MAGI2: variants seen among roughly 807,000 people sequenced by gnomAD.
The protein encoded by MAGI2 is membrane-associated guanylate kinase, WW and PDZ domain-containing protein 2.
A neutral mutation model predicts 133.3 loss-of-function variants in MAGI2; 35 were observed. The ratio of observed to expected loss-of-function variants is 0.26; its 90% CI spans 0.20 to 0.35. MAGI2 has a LOEUF of 0.35. MAGI2 is among the 10% of genes least tolerant of loss of function. The probability of loss-of-function intolerance (pLI) is 1.00; values close to 1 mark genes in which losing one functional copy is unlikely to be tolerated. For synonymous variants in MAGI2, 729 were observed against 710.6 expected (o/e 1.03, Z -0.41); for missense variants, 1,636 against 1,863.4 (o/e 0.88, Z 2.25).
intron 1 of MAGI2, among the ~76,000 whole-genome samples, chr7:79,034,824 A>C (rs1810960936): frequency 6.6e-6 from 1 of 152,174 alleles, no homozygotes; most frequent in Non-Finnish European, 1.5e-5. Flanking sequence ...TTTCAAATAC[A>C]AAGGACAATA....
intron 3 of MAGI2, among the ~76,000 whole-genome samples, chr7:78,625,121 C>A (rs948652266): frequency 6.6e-6 from 1 of 151,868 alleles, no homozygotes; most frequent in Non-Finnish European, 1.5e-5. Context: ...GTGGTTGTGT[C>A]TTAGTTTTTA....
chr7:78,279,330 G>A (rs987230300), intron 9 of MAGI2, among the ~76,000 whole-genome samples: 37 of 152,160 alleles, frequency 2.4e-4, no homozygotes, highest in Non-Finnish European at 1.5e-4. Flanking sequence ...AAGTCACTCC[G>A]AGTGGATAAA....
intron 2 of MAGI2, among the ~76,000 whole-genome samples, chr7:78,866,880 G>A (rs376397304): frequency 6.6e-6 from 1 of 152,174 alleles, no homozygotes; most frequent in Non-Finnish European, 1.5e-5. Flanking sequence ...AGTGGGTGAA[G>A]GACATGAACA....
chr7:78,217,291 T>C (rs1031744545), intron 10 of MAGI2, among the ~76,000 whole-genome samples: 11 of 152,210 alleles, frequency 7.2e-5, no homozygotes, highest in Non-Finnish European at 1.3e-4. Flanking sequence ...TGCATGTTTC[T>C]GGGATAACTT....
intron 1 of MAGI2, among the ~76,000 whole-genome samples, chr7:79,207,447 A>G (rs576835036): frequency 2.4e-4 from 37 of 151,988 alleles, no homozygotes; most frequent in Non-Finnish European, 4.9e-4. Context: ...CAGAAGAAAT[A>G]AAACAATTCC....
At chr7:78,027,297 G>A (rs1371353373) in intron 21 of MAGI2, among the ~76,000 whole-genome samples, 2 of 152,138 alleles carry the variant, frequency 1.3e-5, no homozygotes, top group Admixed American at 6.5e-5. Flanking sequence ...GGACACAGTC[G>A]CTATGATTAG....
intron 10 of MAGI2, among the ~76,000 whole-genome samples, chr7:78,249,220 C>T (rs186380181): frequency 5.9e-5 from 9 of 151,982 alleles, no homozygotes; most frequent in Admixed American, 2.6e-4. Context: ...TAACAAGTGT[C>T]GGCGAGGATG....
At chr7:78,267,884 C>T (rs773629007) in intron 9 of MAGI2, among the ~76,000 whole-genome samples, 6 of 152,052 alleles carry the variant, frequency 3.9e-5, no homozygotes, top group South Asian at 2.1e-4. Flanking sequence ...ACAAATGGCA[C>T]GGAGGAAAAC....
chr7:79,284,109 T>G (rs1031062682), intron 1 of MAGI2, among the ~76,000 whole-genome samples: 2 of 152,130 alleles, frequency 1.3e-5, no homozygotes, highest in Non-Finnish European at 2.9e-5. Flanking sequence ...CACACAATAA[T>G]GAAATCACCT....
At chr7:79,088,702 G>C (rs556447271) in intron 1 of MAGI2, among the ~76,000 whole-genome samples, 1 of 151,994 alleles carries the variant, frequency 6.6e-6, no homozygotes, top group Non-Finnish European at 1.5e-5. Context: ...CTAGTTTATT[G>C]AGAGTTTTCA....
intron 6 of MAGI2, among the ~76,000 whole-genome samples, chr7:78,395,774 C>G (rs528854400): frequency 5.9e-4 from 90 of 152,128 alleles, no homozygotes; most frequent in Middle Eastern, 3.4e-3. Flanking sequence ...TATCATGAAA[C>G]TAAAAAGAAT....
intron 5 of MAGI2, among the ~76,000 whole-genome samples, chr7:78,497,063 C>T (rs1417975981): frequency 6.6e-6 from 1 of 151,770 alleles, no homozygotes; most frequent in Non-Finnish European, 1.5e-5. Context: ...CGAATACACC[C>T]TTAAAAAGGT....
chr7:79,311,971 C>T (rs1192418306), intron 1 of MAGI2, among the ~76,000 whole-genome samples: 2 of 152,126 alleles, frequency 1.3e-5, no homozygotes, highest in Non-Finnish European at 2.9e-5. Context: ...CCTCTTACTG[C>T]CTCTATTGCT....
chr7:78,642,806 C>G (rs1810447469), intron 2 of MAGI2, among the ~76,000 whole-genome samples: 1 of 152,188 alleles, frequency 6.6e-6, no homozygotes, highest in Admixed American at 6.5e-5. Flanking sequence ...CCTTGAGTAA[C>G]TTGCCCAAGT....
chr7:79,213,323 C>T (rs185092084), intron 1 of MAGI2, among the ~76,000 whole-genome samples: 2,612 of 141,418 alleles, frequency 0.018, 99 homozygotes, highest in African/African-American at 0.071. Context: ...CACGTACACA[C>T]GTACACACAC....
chr7:79,161,480 C>T (rs1824351793), intron 1 of MAGI2, among the ~76,000 whole-genome samples: 1 of 152,034 alleles, frequency 6.6e-6, no homozygotes, highest in African/African-American at 2.4e-5. Context: ...TTATCCGAAG[C>T]TACCCCTATG....
At chr7:78,267,925 AATT>A (rs1170606303) in intron 9 of MAGI2, among the ~76,000 whole-genome samples, 4 of 152,190 alleles carry the variant, frequency 2.6e-5, no homozygotes, top group Non-Finnish European at 5.9e-5. Flanking sequence ...CCAATGTTAC[AATT>A]ATTATATGAT....
chr7:78,962,674 A>G (rs1449675476), intron 2 of MAGI2, among the ~76,000 whole-genome samples: 4 of 152,028 alleles, frequency 2.6e-5, no homozygotes, highest in African/African-American at 9.6e-5. Flanking sequence ...TCTGGATAAT[A>G]TATTGGCATT....
At position 79,186,761 on chromosome 7, in the gene MAGI2, A is replaced by ATT. The variant is rs570721882; in HGVS notation, c.302-179556_302-179555insAA. 7.9e-3 allele frequency among the ~76,000 whole-genome samples: 809 copies of ATT among 102,760 alleles called. 10 individuals carry two copies. Among genetic ancestry groups the ATT allele is most frequent in the African/African-American group, 0.027 (770 of 28,280 alleles). The allele number at this position is 102,760 out of a possible 152,430, so 67.4% of individuals were successfully genotyped here. A position where few individuals can be genotyped will look rare whatever the true frequency, so the allele number is the denominator to read the frequency against. ...TATATTTATACAAAAGTATATATAT[A>ATT]TATATATATATATATACACACACAC... On this transcript the variant is annotated intron_variant, in intron 1 of 21. Coordinates refer to ENST00000354212, the MANE Select transcript of MAGI2 (RefSeq NM_012301.4).
Sources: gnomAD v4.1 joint callset for allele counts (sites outside exome capture counted in the v4.1 genomes callset) on GRCh38, gnomAD v4.1.1 for gene constraint, MANE v1.5 for transcripts, NCBI Gene and HGNC (gene_info 2026-07-23, HGNC 2026-07-21) for gene names.